KCMF1: variants seen among roughly 807,000 people sequenced by gnomAD.
KCMF1 encodes potassium channel modulatory factor 1, also known as E3 ubiquitin-protein ligase KCMF1.
KCMF1 carries 3 observed loss-of-function variants against 41.1 expected under a neutral mutation model. The ratio of observed to expected loss-of-function variants is 0.07; its 90% confidence interval spans 0.03 to 0.19. The LOEUF is 0.19. KCMF1 is among the 10% of genes least tolerant of loss of function. The pLI is 1.00. For missense variants in KCMF1, 286 were observed against 488.9 expected (o/e 0.58, Z 3.91); for synonymous variants, 142 against 164.5 (o/e 0.86, Z 1.04).
intron 1 of KCMF1, among the ~76,000 whole-genome samples, chr2:84,974,388 T>G (rs907800327): frequency 6.6e-6 from 1 of 151,962 alleles, no homozygotes; most frequent in African/African-American, 2.4e-5. Flanking sequence ...AATGTAACTT[T>G]GGATGACACA....
chr2:85,003,457 G>A (rs1355401705), intron 1 of KCMF1, among the ~76,000 whole-genome samples: 1 of 151,568 alleles, frequency 6.6e-6, no homozygotes, highest in African/African-American at 2.4e-5. Flanking sequence ...CAGCCTGGGC[G>A]ACAGAGTGAG....
intron 1 of KCMF1, among the ~76,000 whole-genome samples, chr2:85,002,466 G>A (rs938167106): frequency 2.2e-4 from 33 of 152,156 alleles, no homozygotes; most frequent in African/African-American, 7.7e-4. Flanking sequence ...AGTTGCAAAG[G>A]TAGTATAGAG....
chr2:85,007,270 G>A (rs1349379571), intron 1 of KCMF1, among the ~76,000 whole-genome samples: 1 of 152,150 alleles, frequency 6.6e-6, no homozygotes, highest in African/African-American at 2.4e-5. Context: ...GGAATAGCAA[G>A]CCCAGGTCTC....
rs1482643222 is a variant in KCMF1, at chr2:85,017,821, T to C, written c.17-10068T>C. On this transcript the variant is annotated intron_variant, in intron 1 of 6. Coordinates refer to ENST00000409785, the MANE Select transcript of KCMF1 (RefSeq NM_020122.5). ...TGAGATTTTCTCCTTTAAAAAGCTG[T>C]AAACGAATATTAAAAACCTCTTTTA... Among the ~76,000 whole-genome samples the C allele has an allele frequency of 2.0e-5, 3 of 152,202 alleles. No homozygotes were observed. The East Asian group carries it at 5.8e-4, about 29-fold the overall frequency.
intron 3 of KCMF1, among the ~76,000 whole-genome samples, chr2:85,040,256 G>C (rs141450551): frequency 6.6e-6 from 1 of 152,262 alleles, no homozygotes; most frequent in South Asian, 2.1e-4. Context: ...TTACTCTATC[G>C]TGTGGCAGTG....
intron 1 of KCMF1, among the ~76,000 whole-genome samples, chr2:84,997,974 T>C (rs1674217889): frequency 6.6e-6 from 1 of 151,542 alleles, no homozygotes; most frequent in Non-Finnish European, 1.5e-5. Flanking sequence ...GGTTTCTCCA[T>C]GTTGGCCAGG....
At chr2:84,990,389 A>G (rs927516384) in intron 1 of KCMF1, among the ~76,000 whole-genome samples, 4 of 152,220 alleles carry the variant, frequency 2.6e-5, no homozygotes, top group African/African-American at 9.6e-5. Flanking sequence ...GGATAGAGTA[A>G]TGAAAGATAA....
At chr2:84,996,155 C>G (rs1448051958) in intron 1 of KCMF1, among the ~76,000 whole-genome samples, 1 of 152,182 alleles carries the variant, frequency 6.6e-6, no homozygotes, top group Non-Finnish European at 1.5e-5. Context: ...CTTCTACACT[C>G]AAGTAATTAT....
At chr2:85,033,818 A>G (rs1675344835) in intron 2 of KCMF1, among the ~76,000 whole-genome samples, 1 of 152,164 alleles carries the variant, frequency 6.6e-6, no homozygotes, top group African/African-American at 2.4e-5. Flanking sequence ...TCCTTCAGAT[A>G]CACTTACGAG....
chr2:85,021,538 C>T (rs1026632965), intron 1 of KCMF1, among the ~76,000 whole-genome samples: 3 of 151,806 alleles, frequency 2.0e-5, no homozygotes, highest in Admixed American at 6.6e-5. Flanking sequence ...AGGACAATGG[C>T]ATGAAACCAG....
chr2:84,989,866 T>C (rs546842629), intron 1 of KCMF1, among the ~76,000 whole-genome samples: 1 of 152,168 alleles, frequency 6.6e-6, no homozygotes, highest in Non-Finnish European at 1.5e-5. Flanking sequence ...CATGTGAACA[T>C]GAGGACTAGG....
intron 5 of KCMF1, among the ~76,000 whole-genome samples, chr2:85,046,496 G>A (rs2104060618): frequency 6.6e-6 from 1 of 152,192 alleles, no homozygotes; most frequent in African/African-American, 2.4e-5. Context: ...CAGATTTGGT[G>A]GTGGGTGCCT....
intron 1 of KCMF1, among the ~76,000 whole-genome samples, chr2:85,025,345 TA>T (rs1675072140): frequency 6.6e-6 from 1 of 152,358 alleles, no homozygotes; most frequent in African/African-American, 2.4e-5. Flanking sequence ...GCAAATGGCT[TA>T]TTTTTTTATT....
intron 1 of KCMF1, among the ~76,000 whole-genome samples, chr2:84,989,287 C>G (rs897374967): frequency 6.6e-6 from 1 of 152,140 alleles, no homozygotes; most frequent in Non-Finnish European, 1.5e-5. Flanking sequence ...GATACAGAGG[C>G]TCCATACTTT....
chr2:85,020,660 TCAAA>T (rs1002200549), intron 1 of KCMF1, among the ~76,000 whole-genome samples: 8 of 152,180 alleles, frequency 5.3e-5, no homozygotes, highest in Admixed American at 1.3e-4. Context: ...ACTCCTGCAC[TCAAA>T]CAATCTGTTC....
chr2:85,000,732 G>A (rs984123963), intron 1 of KCMF1, among the ~76,000 whole-genome samples: 1 of 150,472 alleles, frequency 6.6e-6, no homozygotes, highest in Non-Finnish European at 1.5e-5. Flanking sequence ...TCTGTGTTAA[G>A]GTTAAAAAAT....
At chr2:85,024,453 A>G (rs566446032) in intron 1 of KCMF1, among the ~76,000 whole-genome samples, 1 of 152,264 alleles carries the variant, frequency 6.6e-6, no homozygotes, top group South Asian at 2.1e-4. Flanking sequence ...AGCCCCGGCG[A>G]CAGAGTGAGA....
chr2:85,003,318 G>C (rs1467134208), intron 1 of KCMF1, among the ~76,000 whole-genome samples: 1 of 149,170 alleles, frequency 6.7e-6, no homozygotes, highest in Non-Finnish European at 1.5e-5. Flanking sequence ...CTAAAAAAAA[G>C]AAAAAAAAAA....
At chr2:84,978,139 A>C (rs1471676469) in intron 1 of KCMF1, among the ~76,000 whole-genome samples, 3 of 151,920 alleles carry the variant, frequency 2.0e-5, no homozygotes, top group Non-Finnish European at 4.4e-5. Context: ...CTAGGATTAC[A>C]GGCATGCGCC....
Sources: allele counts gnomAD v4.1 joint callset (sites outside exome capture counted in the v4.1 genomes callset), GRCh38; gene constraint gnomAD v4.1.1; transcripts MANE v1.5; gene names NCBI Gene and HGNC (gene_info 2026-07-23, HGNC 2026-07-21).